Variants in TRRAP observed in about 807,000 individuals in gnomAD.
The protein encoded by TRRAP is transformation/transcription domain-associated protein.
Under a neutral mutation model 438.8 loss-of-function variants are expected in TRRAP, and 41 were observed. The observed-to-expected ratio is 0.09, with a 90% confidence interval of 0.07 to 0.12. TRRAP has a LOEUF of 0.12. TRRAP is among the 10% of genes least tolerant of loss of function. TRRAP has a pLI of 1.00. For synonymous variants in TRRAP, 1,994 were observed against 1,962.9 expected (o/e 1.02, Z -0.42); for missense variants, 3,122 against 5,055.1 (o/e 0.62, Z 11.60).
At chr7:98,958,676 G>T (rs1364584783) in intron 44 of TRRAP, among the ~76,000 whole-genome samples, 1 of 152,130 alleles carries the variant, frequency 6.6e-6, no homozygotes, top group African/African-American at 2.4e-5. Flanking sequence ...TTGACAGCAT[G>T]TTAACATTGG....
In TRRAP at chr7:98,949,494, G is replaced by T. The variant is rs1554417654; in HGVS notation, c.4866G>T (p.Leu1622=). 1 of 1,611,274 alleles carries T rather than the reference G, an allele frequency of 6.2e-7. No homozygotes were observed. The highest frequency in any genetic ancestry group is 1.1e-5 in the South Asian group (1 of 90,734). Residue 1622 remains leucine (L), a synonymous_variant, in exon 36 of 73, where the codon CTG becomes CTT. Transcript: ENST00000456197. ...AANPNRFITL[L]LPGGAQTAVR... is the part of the protein sequence containing the mutation. Reference sequence around the variant, plus strand: ...ACCCCAACAGGTTCATCACCCTGCTGCTGCCGGGGGGTGCCCAGACGGCTG... The same window carrying T: ...ACCCCAACAGGTTCATCACCCTGCTTCTGCCGGGGGGTGCCCAGACGGCTG...
chr7:99,004,544 T>C, intron 68 of TRRAP, 129 bp downstream of exon 68: 3 of 818,804 alleles, frequency 3.7e-6, no homozygotes, highest in Non-Finnish European at 5.7e-6. Flanking sequence ...GAACATAAGA[T>C]GATTCTGGAA....
chr7:99,009,948 C>T (rs999588205), intron 70 of TRRAP, among the ~76,000 whole-genome samples: 9 of 144,648 alleles, frequency 6.2e-5, no homozygotes, highest in African/African-American at 1.3e-4. Context: ...AGTGCAATGG[C>T]GCGATCTCGG....
intron 70 of TRRAP, among the ~76,000 whole-genome samples, chr7:99,008,768 G>T (rs568651520): frequency 6.6e-6 from 1 of 152,356 alleles, no homozygotes; most frequent in African/African-American, 2.4e-5. Flanking sequence ...TGGACGGTTT[G>T]TTATGACCAG....
chr7:98,998,805 A>C, intron 67 of TRRAP: 1 of 261,604 alleles, frequency 3.8e-6, no homozygotes. Context: ...TCACCCTCTT[A>C]CCTTACCTCT....
intron 30 of TRRAP, among the ~76,000 whole-genome samples, chr7:98,942,033 A>G (rs1554415722): frequency 1.3e-5 from 2 of 152,194 alleles, no homozygotes. Context: ...ACGCAGGGTA[A>G]TAAATATGCA....
At chr7:98,950,513 C>T (rs1292341073) in intron 38 of TRRAP, among the ~76,000 whole-genome samples, 1 of 152,162 alleles carries the variant, frequency 6.6e-6, no homozygotes, top group African/African-American at 2.4e-5. Flanking sequence ...CACAATGAGA[C>T]TCTGTCTCAA....
chr7:98,914,172 A>C (rs782657977), intron 18 of TRRAP, among the ~76,000 whole-genome samples: 1 of 152,098 alleles, frequency 6.6e-6, no homozygotes, highest in Non-Finnish European at 1.5e-5. Context: ...AGGCAGGAGG[A>C]TTGCTTGAGC....
chr7:98,880,123 A>G (rs35853712), intron 1 of TRRAP, among the ~76,000 whole-genome samples: 23,832 of 152,064 alleles, frequency 0.16, 4,363 homozygotes, highest in African/African-American at 0.45. Context: ...TCACGTAACC[A>G]CAGTCTGGAG....
At chr7:98,880,748 C>T (rs1026116563) in intron 1 of TRRAP, among the ~76,000 whole-genome samples, 1 of 152,148 alleles carries the variant, frequency 6.6e-6, no homozygotes, top group African/African-American at 2.4e-5. Flanking sequence ...TGACTGCTTT[C>T]TGGTTATAGC....
intron 10 of TRRAP, 40 bp downstream of exon 10, chr7:98,899,807 T>C: frequency 6.3e-7 from 1 of 1,598,510 alleles, no homozygotes; most frequent in Non-Finnish European, 8.6e-7. Flanking sequence ...GTGCCTGGAT[T>C]CCAAGTAAAA....
At position 99,005,968 on chromosome 7, in the gene TRRAP, G is replaced by A. The variant is rs910122277; in HGVS notation, c.10753+620G>A. 2.6e-5 allele frequency among the ~76,000 whole-genome samples: 4 copies of A among 152,298 alleles called. No homozygotes were observed. Among genetic ancestry groups the A allele is most frequent in the African/African-American group, 4.8e-5 (2 of 41,558 alleles). On this transcript the variant is annotated intron_variant, in intron 69 of 72. Transcript: ENST00000456197. This position sits in a 1 kb window ranked among gnomAD's most constrained non-coding sequence, Gnocchi z 5.1. ...CAGCAGCATGCATCAGGTTTCCAGC[G>A]CGCCTCTAGCTGCTTCACACGCTGC...
At position 98,911,139 on chromosome 7, in the gene TRRAP, G is replaced by A. The variant is rs182366882; in HGVS notation, c.1875G>A (p.Met625Ile). The change falls in exon 17 of 73, where the codon ATG becomes ATA. Residue 625 changes from methionine to isoleucine, a missense_variant. Met to Ile is a conservative substitution (Grantham distance 10). Around this residue, in one of 24 missense-constraint regions of TRRAP, gnomAD observed 149 missense variants for 302.8 expected, o/e 0.49. Transcript: ENST00000456197. Reference sequence around the variant, plus strand: ...TGGCCAACTGCCAGACTGTGAGAATGAAAGAGGAGAAGGAGGTATTGGAGC... The same window carrying A: ...TGGCCAACTGCCAGACTGTGAGAATAAAAGAGGAGAAGGAGGTATTGGAGC... ...IRVANCQTVR[M>I]KEEKEVLEHF... 1 of 1,614,178 alleles carries A rather than the reference G, an allele frequency of 6.2e-7. No individual in the cohort carries two copies. Among genetic ancestry groups the A allele is most frequent in the African/African-American group, 1.3e-5 (1 of 75,046 alleles).
At chr7:98,882,707 G>T (rs1554403352) in intron 3 of TRRAP, among the ~76,000 whole-genome samples, 2 of 152,052 alleles carry the variant, frequency 1.3e-5, no homozygotes, top group African/African-American at 2.4e-5. Flanking sequence ...TGTCACCCAG[G>T]CTAGAGTGCA....
At chr7:98,981,216 A>C (rs1205991412) in intron 58 of TRRAP, among the ~76,000 whole-genome samples, 1 of 152,200 alleles carries the variant, frequency 6.6e-6, no homozygotes, top group Non-Finnish European at 1.5e-5. Context: ...AGCCTGACCA[A>C]CATGGTGAAA....
At chr7:99,007,710 G>A (rs1794243140) in intron 69 of TRRAP, among the ~76,000 whole-genome samples, 2 of 151,430 alleles carry the variant, frequency 1.3e-5, no homozygotes, top group African/African-American at 4.9e-5. Context: ...GTGCAGTGGC[G>A]CAGTCACAGC....
At chr7:98,906,049 T>A in intron 12 of TRRAP, 128 bp from the exon 13 acceptor site, 1 of 697,564 alleles carries the variant, frequency 1.4e-6, no homozygotes, top group Non-Finnish European at 2.4e-6. Context: ...TGGTCTCCTC[T>A]CTGTCCCTTT....
chr7:98,992,547 A>G (rs1332200035), intron 65 of TRRAP, among the ~76,000 whole-genome samples: 2 of 149,594 alleles, frequency 1.3e-5, no homozygotes, highest in African/African-American at 5.0e-5. Flanking sequence ...AATACACAGC[A>G]GATGCCAGCT....
chr7:99,011,004 A>C lies in TRRAP; in HGVS notation c.10939-48A>C. On this transcript the variant is annotated intron_variant, in intron 70 of 72. Coordinates refer to ENST00000456197, the MANE Select transcript of TRRAP (RefSeq NM_001375524.1). This position sits in a 1 kb window ranked among gnomAD's most constrained non-coding sequence, Gnocchi z 7.1. The stretch of plus-strand genomic sequence containing the variant: ...CAATTTGAGAATTTTTCTTTTCCAA[A>C]AAAAATCAGTGAGTGAGATGGGAGT... 1 of 1,562,182 alleles carries C rather than the reference A, an allele frequency of 6.4e-7. No homozygotes were observed. Among genetic ancestry groups the C allele is most frequent in the Non-Finnish European group, 8.7e-7 (1 of 1,147,326 alleles).
Sources: allele counts gnomAD v4.1 joint callset (sites outside exome capture counted in the v4.1 genomes callset), GRCh38; gene constraint gnomAD v4.1.1; regional missense constraint gnomAD v4.1.1; non-coding constraint Gnocchi (gnomAD v3.1); transcripts MANE v1.5; gene names NCBI Gene and HGNC (gene_info 2026-07-23, HGNC 2026-07-21).